The following EPHA2 variants were observed in gnomAD, a reference collection of about 807,000 sequenced individuals.
The protein encoded by EPHA2 is EPH receptor A2.
EPHA2 carries 54 observed loss-of-function variants against 104.9 expected under a neutral mutation model. The observed-to-expected ratio is 0.51, with a 90% confidence interval of 0.41 to 0.65. EPHA2 has a LOEUF of 0.65. EPHA2 is among the 30% of genes least tolerant of loss of function. The pLI, the probability that EPHA2 is intolerant of heterozygous loss-of-function variation, is 0.00. For synonymous variants in EPHA2, 560 were observed against 559.1 expected (o/e 1.00, Z -0.02); for missense variants, 1,117 against 1,369.5 (o/e 0.82, Z 2.91).
intron 3 of EPHA2, among the ~76,000 whole-genome samples, chr1:16,144,832 C>T (rs1055134830): frequency 6.6e-6 from 1 of 152,248 alleles, no homozygotes; most frequent in African/African-American, 2.4e-5. Context: ...ACTGCTTCCT[C>T]TCCGGACCTC....
chr1:16,133,364 C>G lies in EPHA2; in HGVS notation c.1869G>C (p.Glu623Asp). 3.7e-6 allele frequency: 6 copies of G among 1,613,888 alleles called. No individual in the cohort carries two copies. Among genetic ancestry groups the G allele is most frequent in the African/African-American group, 2.7e-5 (2 of 75,024 alleles). ...GCATGCCCTTGTACACCTCCCCAAA[C>G]TCTCCTGTGGGCAGACAGGGTCAGG... Reference protein sequence around the residue: ...VTRQKVIGAGEFGEVYKGMLK... With the variant: ...VTRQKVIGAGDFGEVYKGMLK... Residue 623 changes from glutamate (E) to aspartate (D), a missense_variant, in exon 11 of 17, where the codon GAG (glutamate) becomes GAC (aspartate). Glu to Asp is a conservative substitution (Grantham distance 45). This residue lies in a region of EPHA2 where 113 missense variants were observed against 104.3 expected (regional missense o/e 1.08). Coordinates refer to ENST00000358432, the MANE Select transcript of EPHA2 (RefSeq NM_004431.5).
intron 5 of EPHA2, among the ~76,000 whole-genome samples, chr1:16,136,713 A>AGAAGAAGAAGAAGAAGAAGAAG (rs752397568): frequency 1.9e-5 from 2 of 102,734 alleles, no homozygotes; most frequent in East Asian, 2.8e-4. Context: ...AAGAAGAAGA[A>AGAAGAAGAAGAAGAAGAAGAAG]AAGAAGAAGA....
chr1:16,133,650 C>T, intron 9 of EPHA2, 44 bp from the exon 10 acceptor site: 1 of 1,612,158 alleles, frequency 6.2e-7, no homozygotes, highest in Non-Finnish European at 8.5e-7. Flanking sequence ...CAGGAGGGGC[C>T]CCATGGGGGG....
At position 16,148,631 on chromosome 1, in the gene EPHA2, C is replaced by A. The variant is rs6678618; in HGVS notation, c.570G>T (p.Ala190=). The A allele has an allele frequency of 1.2e-6, 2 of 1,607,614 alleles. No homozygotes were observed. Among genetic ancestry groups the A allele is most frequent in the East Asian group, 2.2e-5 (1 of 44,888 alleles). ...TGTAGTAGACACGGACGGAGAGCAG[C>A]GCCACACAGGCACCGATATCCTGGA... ...LAFQDIGACV[A]LLSVRVYYKK... The change falls in exon 3 of 17, where the codon GCG becomes GCT. Residue 190 remains alanine, a synonymous_variant. Coordinates refer to ENST00000358432, the MANE Select transcript of EPHA2 (RefSeq NM_004431.5). This position sits in a 1 kb window ranked among gnomAD's most constrained non-coding sequence, Gnocchi z 4.9.
At position 16,128,456 on chromosome 1, in the gene EPHA2, A is replaced by C. The variant is rs1226913457; in HGVS notation, c.2825+978T>G. Among the ~76,000 whole-genome samples, 1 of 152,162 alleles carries C rather than the reference A, an allele frequency of 6.6e-6. No homozygotes were observed. Among genetic ancestry groups the C allele is most frequent in the Admixed American group, 6.5e-5 (1 of 15,284 alleles). ...CAAAGGCCCTAGAGAATGTTCATGA[A>C]CAGGCTCAAATCCCAGAACTTCTGT... On this transcript the variant is annotated intron_variant, in intron 16 of 16. Transcript: ENST00000358432. This position sits in a 1 kb window ranked among gnomAD's most constrained non-coding sequence, Gnocchi z 4.7.
chr1:16,135,652 TA>T lies in EPHA2; in HGVS notation c.1428+2del. ...GAGCCAGCCCCGCCCCTCTGGGAGT[TA>T]CCTTCTTGCGGTAAGTGACCTCGTA... On this transcript the variant is annotated splice_donor_variant, in intron 6 of 16. Coordinates refer to ENST00000358432, the MANE Select transcript of EPHA2 (RefSeq NM_004431.5). LOFTEE classifies it high-confidence loss of function. The surrounding 1 kb of genome is among the most constrained non-coding windows in gnomAD (Gnocchi z 4.3). The T allele has an allele frequency of 6.2e-7, 1 of 1,613,800 alleles. No homozygotes were observed. Among genetic ancestry groups the T allele is most frequent in the Non-Finnish European group, 8.5e-7 (1 of 1,179,840 alleles).
chr1:16,140,303 GGGC>G (rs2024798601), intron 3 of EPHA2, among the ~76,000 whole-genome samples: 1 of 152,210 alleles, frequency 6.6e-6, no homozygotes, highest in African/African-American at 2.4e-5. Flanking sequence ...CAGGCACATA[GGGC>G]AGGGAAGGGG....
At chr1:16,132,471 G>A (rs2024592470) in intron 11 of EPHA2, 32 bp from the exon 12 acceptor site, 1 of 1,612,394 alleles carries the variant, frequency 6.2e-7, no homozygotes, top group African/African-American at 1.3e-5. Context: ...TGAGAGGTAA[G>A]TGGGCCCAGG....
chr1:16,136,769 A>AGAAGAAGAAGAAGAAGAG (rs1161659446), intron 5 of EPHA2, among the ~76,000 whole-genome samples: 8 of 150,556 alleles, frequency 5.3e-5, no homozygotes, highest in Non-Finnish European at 1.0e-4. Context: ...AAGAAGAAGA[A>AGAAGAAGAAGAAGAAGAG]GAAGAACTAA....
At chr1:16,137,771 CACCCG>C (rs2024742043) in intron 5 of EPHA2, 77 bp downstream of exon 5, 6 of 1,544,852 alleles carry the variant, frequency 3.9e-6, no homozygotes, top group Non-Finnish European at 5.3e-6. Context: ...TCTCTAAACA[CACCCG>C]AGCCCCAGAT....
intron 3 of EPHA2, among the ~76,000 whole-genome samples, chr1:16,142,555 G>A (rs963372053): frequency 4.0e-5 from 6 of 151,876 alleles, no homozygotes; most frequent in African/African-American, 1.5e-4. Context: ...GGATGGATGG[G>A]TGGGTGGATG....
At chr1:16,136,491 T>C (rs1237704732) in intron 5 of EPHA2, among the ~76,000 whole-genome samples, 3 of 150,406 alleles carry the variant, frequency 2.0e-5, no homozygotes, top group Non-Finnish European at 4.4e-5. Flanking sequence ...TGGTGGCGCA[T>C]GCCTGTAATC....
chr1:16,135,069 C>G lies in EPHA2; in HGVS notation c.1549G>C (p.Ala517Pro). 6.2e-7 allele frequency: 1 copy of G among 1,613,516 alleles called. No homozygotes were observed. Among genetic ancestry groups the G allele is most frequent in the Non-Finnish European group, 8.5e-7 (1 of 1,180,028 alleles). Residue 517 changes from alanine to proline, a missense_variant, in exon 7 of 17, where the codon GCC (alanine) becomes CCC (proline). Around this residue, in one of 3 missense-constraint regions of EPHA2, gnomAD observed 664 missense variants for 784.8 expected, o/e 0.85. Coordinates refer to ENST00000358432, the MANE Select transcript of EPHA2 (RefSeq NM_004431.5). The surrounding 1 kb of genome is among the most constrained non-coding windows in gnomAD (Gnocchi z 4.3). Reference sequence around the variant, plus strand: ...TGGAATTCGTGCACCTTGCTGCCGGCCCCCTGGCCCTCCTGCGTCAGTGCC... The same window carrying G: ...TGGAATTCGTGCACCTTGCTGCCGGGCCCCTGGCCCTCCTGCGTCAGTGCC... ...VQALTQEGQGAGSKVHEFQTL... is the reference protein window; with the variant it reads ...VQALTQEGQGPGSKVHEFQTL...
At chr1:16,137,821 C>A in intron 5 of EPHA2, 32 bp downstream of exon 5, 1 of 1,612,382 alleles carries the variant, frequency 6.2e-7, no homozygotes, top group Non-Finnish European at 8.5e-7. Flanking sequence ...GGGCAGGCCC[C>A]ATAGGGCACA....
chr1:16,129,720 G>A, intron 15 of EPHA2, 131 bp from the exon 16 acceptor site: 1 of 1,257,606 alleles, frequency 8.0e-7, no homozygotes, highest in Non-Finnish European at 1.1e-6. Flanking sequence ...GGGCAACAGG[G>A]AAGCCCAGTC....
intron 3 of EPHA2, among the ~76,000 whole-genome samples, chr1:16,141,174 T>C (rs1342106557): frequency 1.3e-5 from 2 of 152,180 alleles, no homozygotes; most frequent in Non-Finnish European, 2.9e-5. Flanking sequence ...AGAGCAGCTG[T>C]GGGTCTATGT....
Position 16,135,065 on chromosome 1 carries a change from C to A in EPHA2, c.1553G>T (p.Gly518Val), listed in dbSNP as rs1269022430. The A allele has an allele frequency of 6.2e-7, 1 of 1,613,522 alleles. No individual in the cohort carries two copies. The highest frequency in any genetic ancestry group is 2.2e-5 in the East Asian group (1 of 44,894). ...QALTQEGQGAGSKVHEFQTLS... is the reference protein window; with the variant it reads ...QALTQEGQGAVSKVHEFQTLS... ...CGTCTGGAATTCGTGCACCTTGCTGCCGGCCCCCTGGCCCTCCTGCGTCAG... is the reference window on the plus strand; with the variant it reads ...CGTCTGGAATTCGTGCACCTTGCTGACGGCCCCCTGGCCCTCCTGCGTCAG... Residue 518 changes from glycine (G) to valine (V), a missense_variant, in exon 7 of 17, where the codon GGC becomes GTC. Physicochemically the swap from Gly to Val is moderately radical, Grantham distance 109. Around this residue, in one of 3 missense-constraint regions of EPHA2, gnomAD observed 664 missense variants for 784.8 expected, o/e 0.85. Transcript: ENST00000358432. This position sits in a 1 kb window ranked among gnomAD's most constrained non-coding sequence, Gnocchi z 4.3.
rs2024640381 is a variant in EPHA2 at position 16,134,372 on chromosome 1, T to A, written c.1682+96A>T. On this transcript the variant is annotated intron_variant, in intron 8 of 16. Transcript: ENST00000358432. The surrounding 1 kb of genome is among the most constrained non-coding windows in gnomAD (Gnocchi z 4.5). Reference sequence around the variant, plus strand: ...AGGCAGGGATTAGACTCGACTAGCATCCTGTGGGCCCCATCGTTCAGATGA... The same window carrying A: ...AGGCAGGGATTAGACTCGACTAGCAACCTGTGGGCCCCATCGTTCAGATGA... The A allele has an allele frequency of 1.6e-6, 2 of 1,289,480 alleles. No homozygotes were observed. Among genetic ancestry groups the A allele is most frequent in the South Asian group, 1.2e-5 (1 of 80,282 alleles). 79.9% of individuals were successfully genotyped at this position (1,289,480 alleles called of 1,614,324 possible). A position where few individuals can be genotyped will look rare whatever the true frequency, so the allele number is the denominator to read the frequency against.
At chr1:16,136,417 C>T (rs1303663345) in intron 5 of EPHA2, among the ~76,000 whole-genome samples, 8 of 151,060 alleles carry the variant, frequency 5.3e-5, no homozygotes, top group Non-Finnish European at 8.8e-5. Context: ...GTTGGGAGTT[C>T]GAGACCAGCC....
Sources: gnomAD v4.1 joint callset for allele counts (sites outside exome capture counted in the v4.1 genomes callset) on GRCh38, gnomAD v4.1.1 for gene constraint, gnomAD v4.1.1 regional missense constraint, Gnocchi (gnomAD v3.1) non-coding constraint, MANE v1.5 for transcripts, NCBI Gene and HGNC (gene_info 2026-07-23, HGNC 2026-07-21) for gene names.